The following CABIN1 variants were observed in gnomAD, a reference collection of about 807,000 sequenced individuals.
The protein encoded by CABIN1 is calcineurin binding protein 1, also known as calcineurin-binding protein cabin-1.
A neutral mutation model predicts 227.7 loss-of-function variants in CABIN1; 133 were observed. That is an observed-to-expected ratio of 0.58 (90% confidence interval 0.51 to 0.67). The LOEUF (loss-of-function observed/expected upper bound fraction) is 0.67, where lower values mean the gene tolerates loss of function less well. Ranked by LOEUF, CABIN1 falls within the 30% of genes least tolerant of loss-of-function variation. The pLI is 0.00. For synonymous variants in CABIN1, 1,086 were observed against 1,155.1 expected (o/e 0.94, Z 1.21); for missense variants, 2,408 against 2,852.5 (o/e 0.84, Z 3.55).
chr22:24,072,863 TA>T (rs1185370042), intron 18 of CABIN1, among the ~76,000 whole-genome samples: 8 of 152,272 alleles, frequency 5.3e-5, no homozygotes, highest in African/African-American at 1.9e-4. Flanking sequence ...GAAGGGATGG[TA>T]AGCCGAGGGC....
chr22:24,038,226 A>G, intron 3 of CABIN1, 122 bp from the exon 4 acceptor site: 1 of 750,814 alleles, frequency 1.3e-6, no homozygotes, highest in Non-Finnish European at 2.4e-6. Flanking sequence ...GGGAGCTGAA[A>G]GTTCCAGCTA....
chr22:24,040,995 C>T, intron 4 of CABIN1, 144 bp from the exon 5 acceptor site: 1 of 887,078 alleles, frequency 1.1e-6, no homozygotes. Context: ...ACACATGGTG[C>T]AGTGCCTTCA....
At chr22:24,123,215 C>T (rs909593678) in intron 28 of CABIN1, among the ~76,000 whole-genome samples, 3 of 152,194 alleles carry the variant, frequency 2.0e-5, no homozygotes, top group African/African-American at 7.2e-5. Flanking sequence ...AGACAACCCC[C>T]AGTAGCCATT....
At chr22:24,066,351 A>G (rs1299293400) in intron 15 of CABIN1, among the ~76,000 whole-genome samples, 2 of 152,230 alleles carry the variant, frequency 1.3e-5, no homozygotes, top group Non-Finnish European at 2.9e-5. Flanking sequence ...AGGAAATATC[A>G]GCTGGAGCAG....
rs201930611 is a variant in CABIN1, at chr22:24,167,091, C to A, written c.5460C>A (p.Pro1820=). The A allele has an allele frequency of 2.6e-6, 4 of 1,544,086 alleles. No homozygotes were observed. The African/African-American group carries it at 5.5e-5, about 21-fold the overall frequency. The change falls in exon 32 of 37, where the codon CCC becomes CCA. Residue 1820 remains proline (P), a synonymous_variant. Transcript: ENST00000263119. ...CGCTCACCCCAGCCCAGCCAGCCCC[C>A]GCCCCCGCCCCCGCCACCACCACAG... ...PTPLTPAQPA[P]APAPATTTGT... is the part of the protein sequence containing the mutation.
intron 29 of CABIN1, among the ~76,000 whole-genome samples, chr22:24,157,343 C>T (rs1049651214): frequency 6.6e-6 from 1 of 152,104 alleles, no homozygotes; most frequent in Non-Finnish European, 1.5e-5. Context: ...CTAAAGGCTT[C>T]GGGACTCCTG....
chr22:24,124,668 A>G (rs1305333133), intron 28 of CABIN1, among the ~76,000 whole-genome samples: 2 of 152,200 alleles, frequency 1.3e-5, no homozygotes, highest in African/African-American at 4.8e-5. Context: ...GAGCCCATAT[A>G]GGCACCCCAG....
At chr22:24,143,815 T>C (rs1157580287) in intron 29 of CABIN1, among the ~76,000 whole-genome samples, 1 of 152,140 alleles carries the variant, frequency 6.6e-6, no homozygotes, top group Admixed American at 6.5e-5. Context: ...ACCAAAGCCC[T>C]TTTCTACCCT....
chr22:24,130,008 A>G (rs1350444703), intron 28 of CABIN1, among the ~76,000 whole-genome samples: 2 of 152,242 alleles, frequency 1.3e-5, no homozygotes, highest in East Asian at 3.8e-4. Context: ...TGGTCCAGAT[A>G]GTAGGCAAGG....
At chr22:24,154,057 G>A (rs2045643711) in intron 29 of CABIN1, among the ~76,000 whole-genome samples, 1 of 152,176 alleles carries the variant, frequency 6.6e-6, no homozygotes, top group Non-Finnish European at 1.5e-5. Context: ...GCTGGGGAGA[G>A]CTAGGTGCTG....
chr22:24,159,418 A>G (rs1310927958), intron 29 of CABIN1, among the ~76,000 whole-genome samples: 3 of 152,332 alleles, frequency 2.0e-5, no homozygotes, highest in African/African-American at 7.2e-5. Context: ...TGAGCTGGAG[A>G]GGAAAGAGAC....
At chr22:24,118,502 C>A (rs951845135) in intron 27 of CABIN1, among the ~76,000 whole-genome samples, 1 of 152,168 alleles carries the variant, frequency 6.6e-6, no homozygotes, top group Non-Finnish European at 1.5e-5. Context: ...CCATCGCATA[C>A]CACCTCAGAG....
At chr22:24,113,898 C>T (rs2042940026) in intron 27 of CABIN1, 150 bp downstream of exon 27, 2 of 822,726 alleles carry the variant, frequency 2.4e-6, no homozygotes, top group Non-Finnish European at 3.9e-6. Flanking sequence ...TGAGAATGGT[C>T]CCAGTGCCCG....
At chr22:24,079,850 G>A (rs917716117) in intron 19 of CABIN1, among the ~76,000 whole-genome samples, 2 of 152,052 alleles carry the variant, frequency 1.3e-5, no homozygotes, top group Non-Finnish European at 2.9e-5. Context: ...TGCACATATT[G>A]TGTCTGTGTG....
chr22:24,099,950 G>A (rs1602081794), intron 26 of CABIN1, among the ~76,000 whole-genome samples: 1 of 152,348 alleles, frequency 6.6e-6, no homozygotes, highest in Non-Finnish European at 1.5e-5. Context: ...GGGCCATGAT[G>A]CCAGCTGTCC....
At chr22:24,033,027 G>A (rs1385987250) in intron 1 of CABIN1, among the ~76,000 whole-genome samples, 1 of 152,190 alleles carries the variant, frequency 6.6e-6, no homozygotes, top group African/African-American at 2.4e-5. Context: ...GCAGTGAGCC[G>A]AGATCGCGCC....
intron 27 of CABIN1, 24 bp from the exon 28 acceptor site, chr22:24,119,343 T>A: frequency 1.9e-6 from 3 of 1,603,520 alleles, no homozygotes; most frequent in African/African-American, 1.3e-5. Context: ...AGGGTGACTT[T>A]CTTTCCCTTC....
intron 6 of CABIN1, among the ~76,000 whole-genome samples, chr22:24,043,306 A>ACTTTTTTTTTT (rs2037572919): frequency 1.4e-5 from 1 of 72,180 alleles, no homozygotes; most frequent in Non-Finnish European, 2.9e-5. Context: ...GAATGATTTT[A>ACTTTTTTTTTT]CTTTTTTTTT....
intron 14 of CABIN1, 54 bp downstream of exon 14, chr22:24,063,200 G>A: frequency 6.3e-7 from 1 of 1,577,248 alleles, no homozygotes; most frequent in Non-Finnish European, 8.7e-7. Flanking sequence ...CAGCAGGGTG[G>A]GCAGAAAATT....
Sources: gnomAD v4.1 joint callset for allele counts (sites outside exome capture counted in the v4.1 genomes callset) on GRCh38, gnomAD v4.1.1 for gene constraint, MANE v1.5 for transcripts, NCBI Gene and HGNC (gene_info 2026-07-23, HGNC 2026-07-21) for gene names.